The following SCHIP1 variants were observed in gnomAD, a reference collection of about 807,000 sequenced individuals.
SCHIP1 encodes schwannomin-interacting protein 1.
SCHIP1 carries 8 observed loss-of-function variants against 29.7 expected under a neutral mutation model. The observed-to-expected ratio is 0.27, with a 90% CI of 0.16 to 0.49. The LOEUF is 0.49. SCHIP1 is among the 20% of genes least tolerant of loss of function. The pLI, the probability that SCHIP1 is intolerant of heterozygous loss-of-function variation, is 0.99. For missense variants in SCHIP1, 193 were observed against 294.6 expected, an observed-to-expected ratio of 0.66 and a Z score of 2.52; for synonymous variants, 76 against 94.9, an observed-to-expected ratio of 0.80 and a Z score of 1.16.
the SCHIP1 span, among the ~76,000 whole-genome samples, chr3:159,558,742 A>G: frequency 1.3e-5 from 2 of 152,186 alleles, no homozygotes; most frequent in East Asian, 1.9e-4. Context: ...ATGCTATAAT[A>G]GCAGCAGAGT....
the SCHIP1 span, among the ~76,000 whole-genome samples, chr3:159,363,986 A>G: frequency 6.6e-6 from 1 of 152,246 alleles, no homozygotes; most frequent in African/African-American, 2.4e-5. Context: ...GGACAAAGCA[A>G]TTCTAAAATA....
chr3:159,692,775 T>C, the SCHIP1 span, among the ~76,000 whole-genome samples: 1 of 152,174 alleles, frequency 6.6e-6, no homozygotes, highest in African/African-American at 2.4e-5. Flanking sequence ...ATACGTCCAA[T>C]AATATTTCAA....
chr3:159,570,404 C>A, the SCHIP1 span, among the ~76,000 whole-genome samples: 1 of 152,170 alleles, frequency 6.6e-6, no homozygotes, highest in Non-Finnish European at 1.5e-5. Flanking sequence ...AGTAGAGAAT[C>A]CTTTCCCCAT....
the SCHIP1 span, among the ~76,000 whole-genome samples, chr3:159,782,770 A>G: frequency 6.6e-6 from 1 of 152,224 alleles, no homozygotes; most frequent in African/African-American, 2.4e-5. Flanking sequence ...TTGACATCTG[A>G]TATCAAGCTA....
At chr3:159,679,217 T>A in the SCHIP1 span, among the ~76,000 whole-genome samples, 1 of 152,100 alleles carries the variant, frequency 6.6e-6, no homozygotes, top group African/African-American at 2.4e-5. Context: ...AGAGAGGGCT[T>A]GTTGTCAAAC....
chr3:159,487,218 T>C, the SCHIP1 span, among the ~76,000 whole-genome samples: 4 of 152,082 alleles, frequency 2.6e-5, no homozygotes, highest in African/African-American at 9.7e-5. Context: ...ATATCTATGG[T>C]GGTTGCTTTG....
At chr3:159,477,472 C>A in the SCHIP1 span, among the ~76,000 whole-genome samples, 7 of 152,110 alleles carry the variant, frequency 4.6e-5, no homozygotes, top group African/African-American at 9.7e-5. Flanking sequence ...TTGATAAAAG[C>A]TATTCTAACA....
At chr3:159,476,004 G>C in the SCHIP1 span, among the ~76,000 whole-genome samples, 1 of 152,152 alleles carries the variant, frequency 6.6e-6, no homozygotes, top group Non-Finnish European at 1.5e-5. Context: ...CAGAAACCAG[G>C]GATCTGTACC....
chr3:159,583,419 A>C, the SCHIP1 span, among the ~76,000 whole-genome samples: 1 of 152,188 alleles, frequency 6.6e-6, no homozygotes, highest in Admixed American at 6.6e-5. Flanking sequence ...TACAAAAGAC[A>C]ATCCTATTTT....
the SCHIP1 span, among the ~76,000 whole-genome samples, chr3:159,626,183 G>T: frequency 0.014 from 1,344 of 98,060 alleles, 117 homozygotes; most frequent in African/African-American, 0.11. Flanking sequence ...TATCTATCTA[G>T]ATAGATAGAT....
chr3:159,395,008 A>G, the SCHIP1 span, among the ~76,000 whole-genome samples: 13 of 152,214 alleles, frequency 8.5e-5, no homozygotes, highest in African/African-American at 2.9e-4. Context: ...TTATTGGTCT[A>G]TTCAGAGATT....
At chr3:159,486,761 G>T in the SCHIP1 span, among the ~76,000 whole-genome samples, 1 of 152,214 alleles carries the variant, frequency 6.6e-6, no homozygotes, top group Admixed American at 6.5e-5. Context: ...GCCACCACAG[G>T]CATGGGCTCC....
At chr3:159,369,386 A>G in the SCHIP1 span, among the ~76,000 whole-genome samples, 8 of 152,036 alleles carry the variant, frequency 5.3e-5, no homozygotes, top group African/African-American at 1.9e-4. Context: ...GTACTACTTC[A>G]TTGTGGTATG....
At chr3:159,487,315 C>T in the SCHIP1 span, among the ~76,000 whole-genome samples, 1 of 152,096 alleles carries the variant, frequency 6.6e-6, no homozygotes, top group East Asian at 1.9e-4. Context: ...TTTGCAAGTG[C>T]CTCAGGTGTC....
At chr3:159,537,803 G>T in the SCHIP1 span, among the ~76,000 whole-genome samples, 1 of 151,952 alleles carries the variant, frequency 6.6e-6, no homozygotes, top group Admixed American at 6.6e-5. Context: ...ATTTTCAAGG[G>T]GCTTGGAAGA....
chr3:159,294,455 GA>G, the SCHIP1 span, among the ~76,000 whole-genome samples: 1 of 152,080 alleles, frequency 6.6e-6, no homozygotes, highest in African/African-American at 2.4e-5. Context: ...TGTAACTTAA[GA>G]ATATGAGTAT....
the SCHIP1 span, among the ~76,000 whole-genome samples, chr3:159,446,509 G>A: frequency 4.0e-3 from 597 of 149,488 alleles, 21 homozygotes; most frequent in African/African-American, 0.015. Flanking sequence ...CAGCAATACA[G>A]TATTGTTGCA....
the SCHIP1 span, among the ~76,000 whole-genome samples, chr3:159,429,788 C>T: frequency 6.6e-6 from 1 of 152,160 alleles, no homozygotes; most frequent in Non-Finnish European, 1.5e-5. Context: ...AAAATTACCA[C>T]ATACTTTGAG....
At chr3:159,772,706 T>G in the SCHIP1 span, among the ~76,000 whole-genome samples, 4 of 152,228 alleles carry the variant, frequency 2.6e-5, no homozygotes, top group Non-Finnish European at 5.9e-5. Context: ...TCTTAAAAGC[T>G]TATCCAAATG....
Sources: gnomAD v4.1 joint callset for allele counts (sites outside exome capture counted in the v4.1 genomes callset) on GRCh38, gnomAD v4.1.1 for gene constraint, MANE v1.5 for transcripts, NCBI Gene and HGNC (gene_info 2026-07-23, HGNC 2026-07-21) for gene names.